ITGA8: variants seen among roughly 807,000 people sequenced by gnomAD.
ITGA8 encodes the protein integrin alpha-8.
A neutral mutation model predicts 142.3 loss-of-function variants in ITGA8; 91 were observed. The observed-to-expected ratio is 0.64, with a 90% CI of 0.54 to 0.76. ITGA8 has a LOEUF of 0.76. Among genes scored for constraint, ITGA8 ranks in the 30% least tolerant of loss-of-function variants. ITGA8 has a pLI of 0.00. For missense variants in ITGA8, 1,406 were observed against 1,327.7 expected, an observed-to-expected ratio of 1.06 and a Z score of -0.92; for synonymous variants, 505 against 485.2, an observed-to-expected ratio of 1.04 and a Z score of -0.54.
intron 22 of ITGA8, among the ~76,000 whole-genome samples, chr10:15,586,956 C>T (rs1264191137): frequency 2.0e-5 from 3 of 151,324 alleles, no homozygotes; most frequent in Non-Finnish European, 4.4e-5. Context: ...CGGAGTCTCC[C>T]TCTGTTGCGA....
At chr10:15,677,669 A>G in intron 5 of ITGA8, 32 bp from the exon 6 acceptor site, 1 of 1,595,036 alleles carries the variant, frequency 6.3e-7, no homozygotes, top group Non-Finnish European at 8.6e-7. Flanking sequence ...AGCAACCATA[A>G]TTGGAAAAGA....
At chr10:15,535,869 G>A (rs1390431940) in intron 27 of ITGA8, among the ~76,000 whole-genome samples, 2 of 152,026 alleles carry the variant, frequency 1.3e-5, no homozygotes, top group East Asian at 1.9e-4. Flanking sequence ...TTGGGTCCAC[G>A]CTGCCTTTAT....
chr10:15,523,740 T>C (rs1351223911), intron 28 of ITGA8, among the ~76,000 whole-genome samples: 1 of 136,632 alleles, frequency 7.3e-6, no homozygotes, highest in Non-Finnish European at 1.5e-5. Flanking sequence ...TGAAACCCCA[T>C]CTCTACTAAA....
In ITGA8 at chr10:15,687,355, G is replaced by A. The variant is rs572729648; in HGVS notation, c.444+583C>T. ...TTACTTCAATAGTCATTTTCTTCTC[G>A]GTAACTTAGACATGTATCATTGCTC... On this transcript the variant is annotated intron_variant, in intron 3 of 29. Transcript: ENST00000378076. Among the ~76,000 whole-genome samples the A allele has an allele frequency of 3.3e-5, 5 of 151,534 alleles. No homozygotes were observed. In the South Asian group the frequency reaches 6.3e-4, roughly 19 times the overall value.
At chr10:15,538,801 G>A (rs1833508344) in intron 27 of ITGA8, among the ~76,000 whole-genome samples, 1 of 152,008 alleles carries the variant, frequency 6.6e-6, no homozygotes, top group Admixed American at 6.6e-5. Flanking sequence ...AAAAGACTCA[G>A]ATGACAATTT....
At chr10:15,636,939 G>A (rs948649641) in intron 13 of ITGA8, among the ~76,000 whole-genome samples, 3 of 152,176 alleles carry the variant, frequency 2.0e-5, no homozygotes, top group Non-Finnish European at 4.4e-5. Flanking sequence ...GAGGTCAGCA[G>A]TTCGAGACCA....
intron 22 of ITGA8, among the ~76,000 whole-genome samples, chr10:15,590,330 A>G (rs1832903107): frequency 6.6e-6 from 1 of 152,290 alleles, no homozygotes; most frequent in South Asian, 2.1e-4. Context: ...TACAGGATGG[A>G]CTCGGGGAAG....
chr10:15,551,301 G>C lies in ITGA8; in HGVS notation c.2767-2733C>G, dbSNP rs1166075922. The stretch of plus-strand genomic sequence containing the variant: ...GGCTGGGATGGAATCCTGGGGAACA[G>C]GGGCATTGAAAGGATGGGCAGAGAG... On this transcript the variant is annotated intron_variant, in intron 26 of 29. Transcript: ENST00000378076. Among the ~76,000 whole-genome samples, 3 of 152,000 alleles carry C rather than the reference G, an allele frequency of 2.0e-5. No individual in the cohort carries two copies. In the East Asian group the frequency reaches 5.8e-4, roughly 29 times the overall value.
chr10:15,717,038 G>T (rs1195787399), intron 2 of ITGA8, among the ~76,000 whole-genome samples: 2 of 152,154 alleles, frequency 1.3e-5, no homozygotes, highest in Non-Finnish European at 2.9e-5. Flanking sequence ...TTGACATCTG[G>T]ATTCTCTGGT....
chr10:15,688,109 G>T (rs1453429808), intron 2 of ITGA8, 71 bp from the exon 3 acceptor site: 4 of 1,027,716 alleles, frequency 3.9e-6, no homozygotes, highest in African/African-American at 1.6e-5. Context: ...TAATAAATTT[G>T]TACATTAAAA....
chr10:15,538,327 A>G (rs1833492783), intron 27 of ITGA8, among the ~76,000 whole-genome samples: 1 of 152,110 alleles, frequency 6.6e-6, no homozygotes, highest in Non-Finnish European at 1.5e-5. Flanking sequence ...AGCCTGGCCA[A>G]CATGGTGAAA....
intron 12 of ITGA8, among the ~76,000 whole-genome samples, chr10:15,646,467 G>T (rs1195404063): frequency 7.2e-5 from 11 of 152,104 alleles, no homozygotes; most frequent in Non-Finnish European, 1.5e-4. Context: ...GAGCTCTGAG[G>T]TAGTATGGTT....
chr10:15,616,448 G>A (rs560017338), intron 14 of ITGA8, 66 bp downstream of exon 14: 8 of 1,193,380 alleles, frequency 6.7e-6, no homozygotes, highest in African/African-American at 4.5e-5. Context: ...TCTCTTTAAG[G>A]CAGAACTAAC....
intron 26 of ITGA8, among the ~76,000 whole-genome samples, chr10:15,556,957 A>G (rs1215564027): frequency 6.6e-6 from 1 of 152,242 alleles, no homozygotes; most frequent in Non-Finnish European, 1.5e-5. Context: ...CATGGTCTAC[A>G]GAGCACAGAT....
At chr10:15,524,908 A>G (rs779030783) in intron 28 of ITGA8, among the ~76,000 whole-genome samples, 6 of 152,242 alleles carry the variant, frequency 3.9e-5, no homozygotes, top group Non-Finnish European at 8.8e-5. Context: ...TAGCCATTAG[A>G]TAATAAATAA....
At chr10:15,542,729 C>T (rs774096068) in intron 27 of ITGA8, among the ~76,000 whole-genome samples, 4 of 152,110 alleles carry the variant, frequency 2.6e-5, no homozygotes, top group Non-Finnish European at 5.9e-5. Context: ...CTATGTGACT[C>T]GGGAAGGCCA....
chr10:15,659,122 C>A, intron 9 of ITGA8, 67 bp from the exon 10 acceptor site: 2 of 1,045,110 alleles, frequency 1.9e-6, no homozygotes, highest in East Asian at 5.3e-5. Flanking sequence ...TTAAAAACTA[C>A]AACTTGAATC....
In ITGA8 at chr10:15,697,934, T is replaced by C. The variant is rs751494266; in HGVS notation, c.344-9896A>G. On this transcript the variant is annotated intron_variant, in intron 2 of 29. Coordinates refer to ENST00000378076, the MANE Select transcript of ITGA8 (RefSeq NM_003638.3). ...ATTTATTTTTTATTTCAATAGGTTT[T>C]AGGGGAACAGGTGGTGTTTGGTTAC... Among the ~76,000 whole-genome samples, 54 of 152,318 alleles carry C rather than the reference T, an allele frequency of 3.5e-4. 1 individual carries two copies. Among genetic ancestry groups the C allele is most frequent in the Admixed American group, 1.2e-3 (18 of 15,298 alleles).
chr10:15,676,593 A>G (rs1405000527), intron 6 of ITGA8, among the ~76,000 whole-genome samples: 2 of 152,192 alleles, frequency 1.3e-5, no homozygotes, highest in Non-Finnish European at 2.9e-5. Context: ...CAGTAAGAAC[A>G]ATGTCTGTTT....
Sources: gnomAD v4.1 joint callset for allele counts (sites outside exome capture counted in the v4.1 genomes callset) on GRCh38, gnomAD v4.1.1 for gene constraint, MANE v1.5 for transcripts, NCBI Gene and HGNC (gene_info 2026-07-23, HGNC 2026-07-21) for gene names.